Variants in PGR observed in about 807,000 individuals in gnomAD.
The protein encoded by PGR is progesterone receptor.
Under a neutral mutation model 76.1 loss-of-function variants are expected in PGR, and 25 were observed. The observed-to-expected ratio is 0.33, with a 90% CI of 0.24 to 0.46. The LOEUF (loss-of-function observed/expected upper bound fraction) is 0.46. PGR is among the 20% of genes least tolerant of loss of function. PGR has a pLI of 1.00. For synonymous variants in PGR, 579 were observed against 535.0 expected (o/e 1.08, Z -1.14); for missense variants, 1,172 against 1,225.3 (o/e 0.96, Z 0.65).
intron 4 of PGR, among the ~76,000 whole-genome samples, chr11:101,061,101 A>C (rs1265619216): frequency 1.3e-5 from 2 of 152,218 alleles, no homozygotes; most frequent in Non-Finnish European, 2.9e-5. Context: ...AAATAATAGA[A>C]CAATGGAGAA....
intron 2 of PGR, among the ~76,000 whole-genome samples, chr11:101,116,739 C>CA (rs11300466): frequency 0.063 from 4,304 of 68,410 alleles, 150 homozygotes; most frequent in Admixed American, 0.08. Context: ...GATTCCACCT[C>CA]AAAAAAAAAA....
At chr11:101,040,697 G>C (rs1049311720) in intron 7 of PGR, among the ~76,000 whole-genome samples, 1 of 151,788 alleles carries the variant, frequency 6.6e-6, no homozygotes, top group African/African-American at 2.4e-5. Context: ...CTTCATTTCT[G>C]GCCTGGTACA....
chr11:101,055,504 A>G (rs1860259964), intron 4 of PGR, among the ~76,000 whole-genome samples: 1 of 151,710 alleles, frequency 6.6e-6, no homozygotes, highest in Non-Finnish European at 1.5e-5. Context: ...AAGTGTTCAC[A>G]ATAATCTCCA....
rs750407171 is a variant in PGR at position 101,128,880 on chromosome 11, C to G, written c.191G>C (p.Cys64Ser). Residue 64 changes from cysteine (C) to serine (S), a missense_variant, in exon 1 of 8, where the codon TGC becomes TCC. By Grantham distance (112) the Cys-to-Ser change is moderately radical. Transcript: ENST00000325455. ...TTCGTCGGAGGGGTCCTGTCCCTGG[C>G]AGGGCCGAGGGAAGAGTAGCCCGTC... ...SLDGLLFPRP[C>S]QGQDPSDEKT... is the part of the protein sequence containing the mutation. 6.2e-7 allele frequency: 1 copy of G among 1,614,090 alleles called. No homozygotes were observed. The highest frequency in any genetic ancestry group is 8.5e-7 in the Non-Finnish European group (1 of 1,180,026).
At chr11:101,041,817 C>T (rs1306816644) in intron 7 of PGR, 128 bp downstream of exon 7, 2 of 806,958 alleles carry the variant, frequency 2.5e-6, no homozygotes, top group Non-Finnish European at 4.0e-6. Context: ...CAGCATGATC[C>T]AAACACTTTT....
Position 101,129,437 on chromosome 11 carries a change from A to G in PGR, c.-367T>C, listed in dbSNP as rs950578752. Reference sequence around the variant, plus strand: ...GACGCAGAGTACTCACAAGTCCGGCACTTGAGTGGCTGCGGCTGCGACGGC... The same window carrying G: ...GACGCAGAGTACTCACAAGTCCGGCGCTTGAGTGGCTGCGGCTGCGACGGC... On this transcript the variant is annotated 5_prime_UTR_variant, in exon 1 of 8. Transcript: ENST00000325455. 10 of 271,246 alleles carry G rather than the reference A, an allele frequency of 3.7e-5. No homozygotes were observed. The highest frequency in any genetic ancestry group is 4.9e-5 in the Non-Finnish European group (7 of 144,008). 16.8% of individuals were successfully genotyped at this position (271,246 alleles called of 1,614,324 possible). A position where few individuals can be genotyped will look rare whatever the true frequency, so the allele number is the denominator to read the frequency against.
chr11:101,093,301 ATT>A (rs1381588010), intron 2 of PGR, among the ~76,000 whole-genome samples: 2 of 148,490 alleles, frequency 1.3e-5, no homozygotes, highest in Non-Finnish European at 3.0e-5. Context: ...CTACTTTCTG[ATT>A]TGACTCTAAT....
At chr11:101,075,557 C>A (rs1861091824) in intron 3 of PGR, among the ~76,000 whole-genome samples, 1 of 149,638 alleles carries the variant, frequency 6.7e-6, no homozygotes, top group Non-Finnish European at 1.5e-5. Context: ...GAGAAAATTT[C>A]TGCAATTTAT....
intron 3 of PGR, among the ~76,000 whole-genome samples, chr11:101,081,883 C>T (rs1861319177): frequency 6.6e-6 from 1 of 152,154 alleles, no homozygotes; most frequent in Non-Finnish European, 1.5e-5. Context: ...AACAACTAAA[C>T]AAGGGATCAA....
At chr11:101,046,740 T>G (rs538644266) in intron 6 of PGR, among the ~76,000 whole-genome samples, 3 of 152,194 alleles carry the variant, frequency 2.0e-5, no homozygotes, top group South Asian at 4.1e-4. Context: ...ATCCAAACAG[T>G]TTTTTTCCAA....
At chr11:101,040,519 C>T (rs1445923522) in intron 7 of PGR, among the ~76,000 whole-genome samples, 4 of 152,006 alleles carry the variant, frequency 2.6e-5, no homozygotes, top group South Asian at 2.1e-4. Flanking sequence ...GATGGTTTGG[C>T]TAGGTATGAA....
intron 3 of PGR, chr11:101,062,991 A>G (rs1860570563): frequency 5.1e-6 from 2 of 390,902 alleles, no homozygotes; most frequent in South Asian, 2.8e-5. Context: ...TACATCAACA[A>G]TCACTGGGTG....
In PGR at chr11:101,127,648, A is replaced by C; in HGVS notation, c.1423T>G (p.Phe475Val). 1 of 1,437,206 alleles carries C rather than the reference A, an allele frequency of 7.0e-7. No individual in the cohort carries two copies. The highest frequency in any genetic ancestry group is 9.1e-7 in the Non-Finnish European group (1 of 1,100,782). The allele number at this position is 1,437,206 out of a possible 1,614,324, so 89.0% of individuals were successfully genotyped here. The part of the protein sequence containing the change: ...AEGAPPQQGP[F>V]APPPCKAPGA... ...GGCGCCTTGCAGGGCGGCGGCGCGAACGGGCCCTGCTGGGGCGGCGCGCCC... is the reference window on the plus strand; with the variant it reads ...GGCGCCTTGCAGGGCGGCGGCGCGACCGGGCCCTGCTGGGGCGGCGCGCCC... Residue 475 changes from phenylalanine (F) to valine (V), a missense_variant, in exon 1 of 8, where the codon TTC (phenylalanine) becomes GTC (valine). This residue lies in a region of PGR where 893 missense variants were observed against 785.9 expected (regional missense o/e 1.14). Coordinates refer to ENST00000325455, the MANE Select transcript of PGR (RefSeq NM_000926.4).
At chr11:101,048,180 G>A (rs1209872036) in intron 6 of PGR, among the ~76,000 whole-genome samples, 1 of 152,154 alleles carries the variant, frequency 6.6e-6, no homozygotes, top group African/African-American at 2.4e-5. Flanking sequence ...CAGTGATAAA[G>A]AAACCACTAT....
chr11:101,114,885 A>G (rs1370394084), intron 2 of PGR, among the ~76,000 whole-genome samples: 1 of 152,218 alleles, frequency 6.6e-6, no homozygotes, highest in African/African-American at 2.4e-5. Context: ...ATATTAAAAT[A>G]TGCCACTACA....
chr11:101,102,701 G>T (rs777699429), intron 2 of PGR, among the ~76,000 whole-genome samples: 29 of 152,104 alleles, frequency 1.9e-4, no homozygotes, highest in Admixed American at 1.3e-3. Context: ...GTATATTAGA[G>T]ACCAATATAC....
In PGR at chr11:101,128,419, C is replaced by T. The variant is rs1390292398; in HGVS notation, c.652G>A (p.Ala218Thr). The change falls in exon 1 of 8, where the codon GCG becomes ACG. Residue 218 changes from alanine (A) to threonine (T), a missense_variant. By Grantham distance (58) the Ala-to-Thr change is moderately conservative. Coordinates refer to ENST00000325455, the MANE Select transcript of PGR (RefSeq NM_000926.4). The part of the protein sequence containing the change: ...APVKPSPQAA[A>T]VEVEEEDGSE... ...CCATCCTCCTCCTCAACCTCCACCG[C>T]AGCGGCCTGCGGAGACGGCTTCACT... is the stretch of plus-strand genomic sequence containing the variant. 1 of 1,610,854 alleles carries T rather than the reference C, an allele frequency of 6.2e-7. No individual in the cohort carries two copies. The highest frequency in any genetic ancestry group is 8.5e-7 in the Non-Finnish European group (1 of 1,179,850).
chr11:101,105,881 T>C (rs1862143058), intron 2 of PGR, among the ~76,000 whole-genome samples: 1 of 152,116 alleles, frequency 6.6e-6, no homozygotes, highest in Non-Finnish European at 1.5e-5. Flanking sequence ...AAAACGGATA[T>C]ATAGACCAAT....
rs376552241 is a variant in PGR at position 101,104,653 on chromosome 11, C to A, written c.1790-12777G>T. On this transcript the variant is annotated intron_variant, in intron 2 of 7. Coordinates refer to ENST00000325455, the MANE Select transcript of PGR (RefSeq NM_000926.4). ...AACTCTGTTACTGCATTTTGGATCA[C>A]ACTGCAGTATTTTCTTATCTCATCC... is the stretch of plus-strand genomic sequence containing the variant. Among the ~76,000 whole-genome samples the A allele has an allele frequency of 3.6e-3, 547 of 152,312 alleles. 4 individuals carry two copies. The highest frequency in any genetic ancestry group is 0.012 in the African/African-American group (519 of 41,578).
Sources: allele counts gnomAD v4.1 joint callset (sites outside exome capture counted in the v4.1 genomes callset), GRCh38; gene constraint gnomAD v4.1.1; regional missense constraint gnomAD v4.1.1; transcripts MANE v1.5; gene names NCBI Gene and HGNC (gene_info 2026-07-23, HGNC 2026-07-21).